The following LRPPRC variants were observed in gnomAD, a reference collection of about 807,000 sequenced individuals.
LRPPRC encodes leucine rich pentatricopeptide repeat containing, also known as leucine-rich PPR motif-containing protein, mitochondrial.
In LRPPRC, 120 loss-of-function variants were observed where a neutral mutation model predicts 180.3. That is an observed-to-expected ratio of 0.67 (90% CI 0.57 to 0.77). LRPPRC has a LOEUF of 0.77. Ranked by LOEUF, LRPPRC falls within the 30% of genes least tolerant of loss-of-function variation. The pLI is 0.00. For synonymous variants in LRPPRC, 723 were observed against 600.0 expected, an observed-to-expected ratio of 1.21 and a Z score of -3.00; for missense variants, 2,012 against 1,657.2, an observed-to-expected ratio of 1.21 and a Z score of -3.72.
At chr2:43,934,080 T>G (rs746747774) in intron 25 of LRPPRC, 110 bp downstream of exon 25, 22 of 690,498 alleles carry the variant, frequency 3.2e-5, no homozygotes, top group Non-Finnish European at 5.2e-5. Flanking sequence ...GGGATTGAAT[T>G]CTATTAACAT....
intron 12 of LRPPRC, among the ~76,000 whole-genome samples, chr2:43,963,271 C>G (rs1348924880): frequency 1.3e-5 from 2 of 152,000 alleles, no homozygotes; most frequent in African/African-American, 4.8e-5. Flanking sequence ...ATGGAGAAAC[C>G]CTGTCTCTAC....
intron 36 of LRPPRC, among the ~76,000 whole-genome samples, chr2:43,894,269 G>A (rs1010940167): frequency 6.6e-6 from 1 of 152,150 alleles, no homozygotes; most frequent in Non-Finnish European, 1.5e-5. Flanking sequence ...CCAGGAGCCT[G>A]GGATTCTACT....
chr2:43,923,555 A>G (rs1031995006), intron 27 of LRPPRC, among the ~76,000 whole-genome samples: 1 of 152,154 alleles, frequency 6.6e-6, no homozygotes, highest in African/African-American at 2.4e-5. Context: ...GCCACCTCTC[A>G]CCTGGCCTTA....
chr2:43,988,675 A>G (rs1231783986), intron 1 of LRPPRC, among the ~76,000 whole-genome samples: 1 of 152,000 alleles, frequency 6.6e-6, no homozygotes, highest in Non-Finnish European at 1.5e-5. Context: ...AGTAGCTGGG[A>G]CTACAGGCAC....
At position 43,982,388 on chromosome 2, in the gene LRPPRC, T is replaced by G; in HGVS notation, c.196A>C (p.Lys66Gln). 2 of 1,614,112 alleles carry G rather than the reference T, an allele frequency of 1.2e-6. No individual in the cohort carries two copies. The highest frequency in any genetic ancestry group is 2.2e-5 in the East Asian group (1 of 44,884). ...ARLYAIAAKE[K>Q]DIQEESTFSS... Reference sequence around the variant, plus strand: ...AAAGTGGACTCCTCTTGAATATCTTTTTCTTTGGCAGCAATGGCATACAGC... The same window carrying G: ...AAAGTGGACTCCTCTTGAATATCTTGTTCTTTGGCAGCAATGGCATACAGC... Residue 66 changes from lysine to glutamine, a missense_variant, in exon 2 of 38, where the codon AAA becomes CAA. Coordinates refer to ENST00000260665, the MANE Select transcript of LRPPRC (RefSeq NM_133259.4).
intron 30 of LRPPRC, among the ~76,000 whole-genome samples, chr2:43,910,446 G>A (rs1671216116): frequency 1.3e-5 from 2 of 152,108 alleles, no homozygotes; most frequent in African/African-American, 2.4e-5. Context: ...TGTTGGCCAG[G>A]CTGGTCTCGA....
chr2:43,895,658 T>A (rs773730070), intron 35 of LRPPRC, among the ~76,000 whole-genome samples: 2 of 152,196 alleles, frequency 1.3e-5, no homozygotes, highest in Non-Finnish European at 2.9e-5. Flanking sequence ...GCAAATTTTT[T>A]AAAAGTGTAG....
chr2:43,924,354 C>A (rs538555910), intron 27 of LRPPRC, among the ~76,000 whole-genome samples: 2 of 152,130 alleles, frequency 1.3e-5, no homozygotes, highest in East Asian at 3.9e-4. Flanking sequence ...AAAGAGAGAT[C>A]GAAAGTTTCA....
At chr2:43,902,542 T>C (rs927232856) in intron 31 of LRPPRC, 1 of 152,176 alleles carries the variant, frequency 6.6e-6, no homozygotes, top group African/African-American at 2.4e-5. Context: ...AAAGACATGA[T>C]GAATTTAGTG....
Position 43,899,556 on chromosome 2 carries a change from C to G in LRPPRC, c.3619G>C (p.Glu1207Gln), listed in dbSNP as rs770566699. The G allele has an allele frequency of 6.2e-7, 1 of 1,610,336 alleles. No homozygotes were observed. The highest frequency in any genetic ancestry group is 1.1e-5 in the South Asian group (1 of 90,990). ...IENIENMLTS[E>Q]NKVIEPQYFG... ...TATTGGGGTTCAATGACTTTATTCT[C>G]TGAAGTAAGCATATTTTCAATGTTT... Residue 1207 changes from glutamate to glutamine, a missense_variant, in exon 33 of 38, where the codon GAG becomes CAG. Coordinates refer to ENST00000260665, the MANE Select transcript of LRPPRC (RefSeq NM_133259.4).
intron 1 of LRPPRC, among the ~76,000 whole-genome samples, chr2:43,989,539 G>A (rs1050522485): frequency 1.3e-5 from 2 of 152,152 alleles, no homozygotes; most frequent in African/African-American, 4.8e-5. Context: ...GATCTTCTAT[G>A]TTTACTTACC....
chr2:43,927,397 G>A (rs905585772), intron 25 of LRPPRC, among the ~76,000 whole-genome samples: 1 of 152,180 alleles, frequency 6.6e-6, no homozygotes, highest in Non-Finnish European at 1.5e-5. Context: ...TGGATAGCTT[G>A]TTCTCATTTC....
At chr2:43,979,794 T>C in intron 3 of LRPPRC, 32 bp downstream of exon 3, 1 of 1,605,828 alleles carries the variant, frequency 6.2e-7, no homozygotes, top group Non-Finnish European at 8.5e-7. Context: ...ATCTACACCT[T>C]TTATACACAT....
At chr2:43,973,935 G>A in intron 9 of LRPPRC, 35 bp from the exon 10 acceptor site, 2 of 1,285,194 alleles carry the variant, frequency 1.6e-6, no homozygotes, top group Non-Finnish European at 2.3e-6. Context: ...AGCTGGATTG[G>A]CAAACACCCC....
intron 1 of LRPPRC, among the ~76,000 whole-genome samples, chr2:43,988,174 A>C (rs1213506212): frequency 6.9e-6 from 1 of 143,946 alleles, no homozygotes; most frequent in Non-Finnish European, 1.5e-5. Flanking sequence ...CAGGAGGCAG[A>C]GGGTGCAAGT....
At position 43,973,656 on chromosome 2, in the gene LRPPRC, G is replaced by C. The variant is rs1451419419; in HGVS notation, c.1320C>G (p.His440Gln). ...GTCCAACTAGCAATGGCCAGAAATA[G>C]TGAGGTCTGATAGGAAAACCTTCCT... is the stretch of plus-strand genomic sequence containing the variant. The part of the protein sequence containing the change: ...VKEEGFPIRP[H>Q]YFWPLLVGRR... The change falls in exon 11 of 38, where the codon CAC (histidine) becomes CAG (glutamine). Residue 440 changes from histidine (H) to glutamine (Q), a missense_variant. Coordinates refer to ENST00000260665, the MANE Select transcript of LRPPRC (RefSeq NM_133259.4). 3 of 1,614,060 alleles carry C rather than the reference G, an allele frequency of 1.9e-6. No homozygotes were observed. The highest frequency in any genetic ancestry group is 2.5e-6 in the Non-Finnish European group (3 of 1,179,914).
intron 23 of LRPPRC, among the ~76,000 whole-genome samples, chr2:43,941,119 T>C (rs369970203): frequency 3.9e-4 from 60 of 152,284 alleles, no homozygotes; most frequent in African/African-American, 1.2e-3. Context: ...CCTTGGCAAA[T>C]GAATAAAAAC....
Position 43,960,598 on chromosome 2 carries a change from G to A in LRPPRC, c.1525C>T (p.Gln509Ter). 6.2e-7 allele frequency: 1 copy of A among 1,605,172 alleles called. No homozygotes were observed. Among genetic ancestry groups the A allele is most frequent in the Non-Finnish European group, 8.5e-7 (1 of 1,173,166 alleles). ...GCTGCTTCACTTCTCAATCCAGCTT[G>A]AGAAAACATATCACTATCAGACAGA... ...GCLSDSDMFS[Q>*]AGLRSEAANG... Residue 509 changes from glutamine (Q) to a stop codon, truncating the protein, a stop_gained, in exon 13 of 38, where the codon CAA becomes TAA. Transcript: ENST00000260665. LOFTEE classifies it high-confidence loss of function.
At chr2:43,939,400 G>C (rs1284855571) in intron 23 of LRPPRC, among the ~76,000 whole-genome samples, 1 of 152,076 alleles carries the variant, frequency 6.6e-6, no homozygotes, top group Non-Finnish European at 1.5e-5. Context: ...TTAGTGAAGT[G>C]GCAATTTATG....
Sources: allele counts gnomAD v4.1 joint callset (sites outside exome capture counted in the v4.1 genomes callset), GRCh38; gene constraint gnomAD v4.1.1; transcripts MANE v1.5; gene names NCBI Gene and HGNC (gene_info 2026-07-23, HGNC 2026-07-21).